PCNX2: variants seen among roughly 807,000 people sequenced by gnomAD.
PCNX2 encodes pecanex-like protein 2.
Under a neutral mutation model 223.8 loss-of-function variants are expected in PCNX2, and 168 were observed. That is an observed-to-expected ratio of 0.75 (90% CI 0.66 to 0.85). PCNX2 has a LOEUF of 0.85. Among genes scored for constraint, PCNX2 ranks in the 40% least tolerant of loss-of-function variants. The pLI is 0.00. For missense variants in PCNX2, 2,507 were observed against 2,675.5 expected (o/e 0.94, Z 1.39); for synonymous variants, 1,006 against 1,052.6 (o/e 0.96, Z 0.86).
Position 232,991,244 on chromosome 1 carries a change from G to A in PCNX2, c.5792-4704C>T, listed in dbSNP as rs935089478. 2.1e-4 allele frequency among the ~76,000 whole-genome samples: 32 copies of A among 152,150 alleles called. No individual in the cohort carries two copies. Among genetic ancestry groups the A allele is most frequent in the African/African-American group, 7.7e-4 (32 of 41,426 alleles). On this transcript the variant is annotated intron_variant, in intron 32 of 33. Coordinates refer to ENST00000258229, the MANE Select transcript of PCNX2 (RefSeq NM_014801.4). This position sits in a 1 kb window ranked among gnomAD's most constrained non-coding sequence, Gnocchi z 4.3. ...GGAGGCTGTGTGAGTAAGCGAAGGA[G>A]CTGCAAGCCTGGGAGAGGGACACTG... is the stretch of plus-strand genomic sequence containing the variant.
At chr1:233,215,243 T>A (rs1028721005) in intron 12 of PCNX2, among the ~76,000 whole-genome samples, 2 of 152,232 alleles carry the variant, frequency 1.3e-5, no homozygotes, top group African/African-American at 4.8e-5. Context: ...TCAGTCAGAT[T>A]GCAACAAGAA....
At chr1:233,275,956 G>A (rs941722536) in intron 1 of PCNX2, among the ~76,000 whole-genome samples, 1 of 152,002 alleles carries the variant, frequency 6.6e-6, no homozygotes, top group Non-Finnish European at 1.5e-5. Context: ...CTTGGAACCA[G>A]GGAGGCAGAG....
At chr1:233,223,328 G>C (rs1488666407) in intron 10 of PCNX2, among the ~76,000 whole-genome samples, 24 of 152,136 alleles carry the variant, frequency 1.6e-4, no homozygotes, top group Non-Finnish European at 1.0e-4. Flanking sequence ...GAATGGGACA[G>C]GATTATTAGA....
At chr1:232,993,488 G>A (rs1669772974) in intron 32 of PCNX2, among the ~76,000 whole-genome samples, 1 of 152,190 alleles carries the variant, frequency 6.6e-6, no homozygotes, top group Non-Finnish European at 1.5e-5. Context: ...AGATGGTTTG[G>A]AAGTACAACT....
intron 25 of PCNX2, among the ~76,000 whole-genome samples, chr1:233,029,634 T>C (rs1405992675): frequency 1.3e-5 from 2 of 151,972 alleles, no homozygotes; most frequent in Non-Finnish European, 2.9e-5. Flanking sequence ...TTTGACTTTA[T>C]TCTTGAAGAA....
rs1485800171 is a variant in PCNX2, at chr1:233,239,156, T to G, written c.2223-2176A>C. Among the ~76,000 whole-genome samples, 3 of 152,130 alleles carry G rather than the reference T, an allele frequency of 2.0e-5. No individual in the cohort carries two copies. In the East Asian group the frequency reaches 5.8e-4, roughly 29 times the overall value. The stretch of plus-strand genomic sequence containing the variant: ...ACAAAAGATTAAGCTAACTACATTG[T>G]AGGTAAGGTAGGTAATGATCATAAA... On this transcript the variant is annotated intron_variant, in intron 8 of 33. Transcript: ENST00000258229.
At chr1:233,079,854 C>A (rs1281619001) in intron 23 of PCNX2, among the ~76,000 whole-genome samples, 1 of 152,218 alleles carries the variant, frequency 6.6e-6, no homozygotes, top group Non-Finnish European at 1.5e-5. Flanking sequence ...ACCAAGTCCA[C>A]TGGGAAGGAA....
intron 21 of PCNX2, among the ~76,000 whole-genome samples, chr1:233,118,417 C>G (rs113547256): frequency 2.3e-5 from 3 of 131,968 alleles, no homozygotes; most frequent in African/African-American, 8.7e-5. Flanking sequence ...GTAAGCAGAT[C>G]AGAAAGGAAG....
Position 233,156,975 on chromosome 1 carries a change from G to A in PCNX2, c.3517+3308C>T, listed in dbSNP as rs182728423. Among the ~76,000 whole-genome samples the A allele has an allele frequency of 3.2e-4, 49 of 152,184 alleles. No individual in the cohort carries two copies. In the East Asian group the frequency reaches 8.5e-3, roughly 26 times the overall value. On this transcript the variant is annotated intron_variant, in intron 19 of 33. Transcript: ENST00000258229. The stretch of plus-strand genomic sequence containing the variant: ...AGACTTGAAGCATGAGCAGCCTGGT[G>A]TCAGTCTAGTGAAGCTGGAGGAATG...
intron 23 of PCNX2, among the ~76,000 whole-genome samples, chr1:233,075,521 C>T (rs753141001): frequency 3.9e-5 from 6 of 152,070 alleles, no homozygotes; most frequent in Admixed American, 2.0e-4. Context: ...TTGTTTGTTA[C>T]GTGTCACTAA....
chr1:233,243,840 ATTTTTTT>A (rs939571952), intron 8 of PCNX2, among the ~76,000 whole-genome samples: 1 of 128,574 alleles, frequency 7.8e-6, no homozygotes, highest in Admixed American at 7.1e-5. Flanking sequence ...TTTATTTTTT[ATTTTTTT>A]TTGAGACTGA....
At chr1:233,179,895 T>C (rs993361471) in intron 15 of PCNX2, among the ~76,000 whole-genome samples, 9 of 152,232 alleles carry the variant, frequency 5.9e-5, no homozygotes, top group African/African-American at 2.2e-4. Flanking sequence ...CCCTTGCACT[T>C]ACCTGTTTAA....
rs765709184 is a variant in PCNX2 at position 232,984,324 on chromosome 1, T to C, written c.6394A>G (p.Ser2132Gly). The change falls in exon 34 of 34, where the codon AGT (serine) becomes GGT (glycine). Residue 2132 changes from serine (S) to glycine (G), a missense_variant. Physicochemically the swap from Ser to Gly is moderately conservative, Grantham distance 56. Around this residue, in one of 3 missense-constraint regions of PCNX2, gnomAD observed 1,372 missense variants for 1,509.4 expected, o/e 0.91. Transcript: ENST00000258229. ...MGLDDTASQQ[S>G]VSDEQ is the part of the protein sequence containing the mutation. ...GCCCGTCACTGCTCGTCTGACACACTTTGCTGCGAGGCCGTGTCGTCCAGG... is the reference window on the plus strand; with the variant it reads ...GCCCGTCACTGCTCGTCTGACACACCTTGCTGCGAGGCCGTGTCGTCCAGG... 2 of 1,609,222 alleles carry C rather than the reference T, an allele frequency of 1.2e-6. No homozygotes were observed. The highest frequency in any genetic ancestry group is 2.2e-5 in the South Asian group (2 of 90,516).
At chr1:233,234,021 C>T (rs1572124157) in intron 9 of PCNX2, among the ~76,000 whole-genome samples, 1 of 152,104 alleles carries the variant, frequency 6.6e-6, no homozygotes, top group Non-Finnish European at 1.5e-5. Flanking sequence ...GGAGCTTTTC[C>T]TGTGTCCCAC....
chr1:233,224,815 G>GA (rs1383648929), intron 10 of PCNX2, among the ~76,000 whole-genome samples: 3 of 151,948 alleles, frequency 2.0e-5, no homozygotes, highest in Admixed American at 6.6e-5. Flanking sequence ...AATTAAAAGT[G>GA]ACGTTGCCTC....
chr1:233,040,393 G>C (rs1407691953), intron 25 of PCNX2, among the ~76,000 whole-genome samples: 1 of 152,142 alleles, frequency 6.6e-6, no homozygotes, highest in Non-Finnish European at 1.5e-5. Context: ...TGCAGTTCAC[G>C]TCATTTGCTA....
At chr1:233,019,137 T>C (rs1670787755) in intron 26 of PCNX2, 6 of 985,386 alleles carry the variant, frequency 6.1e-6, no homozygotes, top group Non-Finnish European at 7.2e-6. Context: ...TGATTTCCAC[T>C]AAACAACTGC....
intron 26 of PCNX2, among the ~76,000 whole-genome samples, chr1:233,021,518 G>A (rs939816910): frequency 6.6e-6 from 1 of 152,114 alleles, no homozygotes; most frequent in Non-Finnish European, 1.5e-5. Flanking sequence ...AAAGTCCTTG[G>A]GTCCCACCCC....
chr1:233,077,649 T>C (rs749552853), intron 23 of PCNX2, among the ~76,000 whole-genome samples: 3 of 152,078 alleles, frequency 2.0e-5, no homozygotes, highest in Non-Finnish European at 4.4e-5. Flanking sequence ...GCAAATAAGC[T>C]CCAACTACGC....
Sources: gnomAD v4.1 joint callset for allele counts (sites outside exome capture counted in the v4.1 genomes callset) on GRCh38, gnomAD v4.1.1 for gene constraint, gnomAD v4.1.1 regional missense constraint, Gnocchi (gnomAD v3.1) non-coding constraint, MANE v1.5 for transcripts, NCBI Gene and HGNC (gene_info 2026-07-23, HGNC 2026-07-21) for gene names.